Variants in NFIA observed in about 807,000 individuals in gnomAD.
NFIA encodes nuclear factor I A, also known as nuclear factor 1 A-type.
NFIA carries 8 observed loss-of-function variants against 62.8 expected under a neutral mutation model. That is an observed-to-expected ratio of 0.13 (90% CI 0.07 to 0.23). The LOEUF is 0.23. NFIA is among the 10% of genes least tolerant of loss of function. NFIA has a pLI of 1.00. For missense variants in NFIA, 410 were observed against 642.1 expected (o/e 0.64, Z 3.91); for synonymous variants, 235 against 238.1 (o/e 0.99, Z 0.12).
chr1:61,374,244 G>A (rs1489503448), intron 6 of NFIA, among the ~76,000 whole-genome samples: 2 of 152,068 alleles, frequency 1.3e-5, no homozygotes, highest in Non-Finnish European at 2.9e-5. Flanking sequence ...GGTTTTCTCA[G>A]AAATGTCTTC....
chr1:61,335,765 C>T (rs1196014185), intron 4 of NFIA, among the ~76,000 whole-genome samples: 1 of 151,960 alleles, frequency 6.6e-6, no homozygotes. Context: ...TCGCTTGAAC[C>T]CGGGAGACGG....
At chr1:61,281,430 C>T (rs954059325) in intron 3 of NFIA, among the ~76,000 whole-genome samples, 22 of 152,242 alleles carry the variant, frequency 1.4e-4, no homozygotes, top group African/African-American at 4.6e-4. Context: ...AGGTCCAAAG[C>T]TGGGAGCCTT....
At chr1:61,348,067 C>G (rs1292797912) in intron 4 of NFIA, among the ~76,000 whole-genome samples, 1 of 152,200 alleles carries the variant, frequency 6.6e-6, no homozygotes. Context: ...TAAAGCCCAC[C>G]TCTTCAGTTC....
intron 2 of NFIA, among the ~76,000 whole-genome samples, chr1:61,248,653 C>T (rs1167339221): frequency 6.6e-6 from 1 of 152,012 alleles, no homozygotes; most frequent in Admixed American, 6.6e-5. Context: ...TGAAAGATGC[C>T]CCTTACTGCA....
chr1:61,085,780 T>G (rs1026369483), intron 1 of NFIA, among the ~76,000 whole-genome samples: 1 of 152,150 alleles, frequency 6.6e-6, no homozygotes, highest in South Asian at 2.1e-4. Flanking sequence ...GAGTAATACA[T>G]TGTAAATACT....
At chr1:61,140,220 G>A (rs188653164) in intron 2 of NFIA, among the ~76,000 whole-genome samples, 3 of 152,070 alleles carry the variant, frequency 2.0e-5, no homozygotes, top group Non-Finnish European at 4.4e-5. Context: ...TGTACCCCTG[G>A]CCTGAAGGCT....
At chr1:61,307,747 A>G (rs1425553010) in intron 3 of NFIA, among the ~76,000 whole-genome samples, 1 of 152,206 alleles carries the variant, frequency 6.6e-6, no homozygotes, top group Non-Finnish European at 1.5e-5. Context: ...CTAAACTTTC[A>G]TGAATCTTTA....
chr1:61,444,516 C>G (rs946564406), intron 10 of NFIA, among the ~76,000 whole-genome samples: 2 of 152,156 alleles, frequency 1.3e-5, no homozygotes, highest in Non-Finnish European at 2.9e-5. Context: ...TTATAAACTC[C>G]TGAGGAGTGT....
chr1:61,187,091 A>G (rs1651240680), intron 2 of NFIA, among the ~76,000 whole-genome samples: 1 of 152,236 alleles, frequency 6.6e-6, no homozygotes, highest in Non-Finnish European at 1.5e-5. Context: ...CTGTAAAAGT[A>G]TGCACCTACC....
chr1:61,093,382 T>C (rs553220465), intron 2 of NFIA, among the ~76,000 whole-genome samples: 3 of 152,262 alleles, frequency 2.0e-5, no homozygotes, highest in South Asian at 2.1e-4. Flanking sequence ...GTAAAACTAA[T>C]ATACAGTGAT....
upstream of NFIA, among the ~76,000 whole-genome samples, chr1:61,080,135 G>C (rs566083803): frequency 3.3e-5 from 5 of 152,198 alleles, no homozygotes; most frequent in South Asian, 4.1e-4. Context: ...GCAAACAATC[G>C]TCCCATATCC....
At chr1:61,095,797 A>T (rs573641518) in intron 2 of NFIA, among the ~76,000 whole-genome samples, 34 of 152,318 alleles carry the variant, frequency 2.2e-4, no homozygotes, top group African/African-American at 7.5e-4. Context: ...TTCGTTCTAG[A>T]TGCTTTGAGA....
intron 2 of NFIA, among the ~76,000 whole-genome samples, chr1:61,111,490 G>A (rs1452889803): frequency 6.6e-6 from 1 of 152,162 alleles, no homozygotes; most frequent in Non-Finnish European, 1.5e-5. Flanking sequence ...TCAAATGAAA[G>A]TAGCAATGTG....
chr1:61,408,834 G>A (rs1665970641), intron 9 of NFIA, among the ~76,000 whole-genome samples: 1 of 152,172 alleles, frequency 6.6e-6, no homozygotes, highest in African/African-American at 2.4e-5. Flanking sequence ...CATGTTTGTT[G>A]TGAGATCAGT....
At chr1:61,164,788 G>A (rs1479676597) in intron 2 of NFIA, among the ~76,000 whole-genome samples, 6 of 152,120 alleles carry the variant, frequency 3.9e-5, no homozygotes, top group Non-Finnish European at 7.4e-5. Flanking sequence ...AGCCTCTACA[G>A]TGGGAGATGG....
At chr1:61,221,895 T>C (rs1654037700) in intron 2 of NFIA, among the ~76,000 whole-genome samples, 1 of 152,110 alleles carries the variant, frequency 6.6e-6, no homozygotes, top group South Asian at 2.1e-4. Context: ...CAGATAATGA[T>C]TCGGTAATAA....
intron 2 of NFIA, among the ~76,000 whole-genome samples, chr1:61,207,480 C>G (rs1652974466): frequency 6.6e-6 from 1 of 152,140 alleles, no homozygotes; most frequent in Non-Finnish European, 1.5e-5. Flanking sequence ...GGGTGCCTTC[C>G]TCCCAGCTCC....
At position 61,112,137 on chromosome 1, in the gene NFIA, A is replaced by T. The variant is rs534086614; in HGVS notation, c.559+23457A>T. Among the ~76,000 whole-genome samples, 100 of 150,432 alleles carry T rather than the reference A, an allele frequency of 6.6e-4. No homozygotes were observed. In the South Asian group the frequency reaches 8.8e-3, roughly 13 times the overall value. On this transcript the variant is annotated intron_variant, in intron 2 of 10. Transcript: ENST00000403491. ...CAAAATAGAAAGATTTTTTTTTTTT[A>T]AAAAAAAACTATGCTCTAAAAATTG... is the stretch of plus-strand genomic sequence containing the variant.
Position 61,088,381 on chromosome 1 carries a change from A to G in NFIA, c.260A>G (p.Tyr87Cys), listed in dbSNP as rs1646258062. Residue 87 changes from tyrosine to cysteine, a missense_variant, in exon 2 of 11, where the codon TAT becomes TGT. Around this residue, in one of 3 missense-constraint regions of NFIA, gnomAD observed 86 missense variants for 124.6 expected, o/e 0.69. Transcript: ENST00000403491. This position sits in a 1 kb window ranked among gnomAD's most constrained non-coding sequence, Gnocchi z 4.5. ...AKLRKDIRPE[Y>C]REDFVLTVTG... The stretch of plus-strand genomic sequence containing the variant: ...TTGCGGAAAGATATCCGACCCGAAT[A>G]TCGAGAGGATTTTGTTCTTACAGTT... 6.2e-7 allele frequency: 1 copy of G among 1,613,858 alleles called. No individual in the cohort carries two copies. The highest frequency in any genetic ancestry group is 1.3e-5 in the African/African-American group (1 of 74,934).
Sources: gnomAD v4.1 joint callset for allele counts (sites outside exome capture counted in the v4.1 genomes callset) on GRCh38, gnomAD v4.1.1 for gene constraint, gnomAD v4.1.1 regional missense constraint, Gnocchi (gnomAD v3.1) non-coding constraint, MANE v1.5 for transcripts, NCBI Gene and HGNC (gene_info 2026-07-23, HGNC 2026-07-21) for gene names.